The following PTPRD variants were observed in gnomAD, a reference collection of about 807,000 sequenced individuals.
The protein encoded by PTPRD is receptor-type tyrosine-protein phosphatase delta.
PTPRD carries 34 observed loss-of-function variants against 214.5 expected under a neutral mutation model. The ratio of observed to expected loss-of-function variants is 0.16; its 90% CI spans 0.12 to 0.21. The LOEUF is 0.21. Among genes scored for constraint, PTPRD ranks in the 10% least tolerant of loss-of-function variants. The pLI is 1.00. For missense variants in PTPRD, 2,545 were observed against 2,398.7 expected (o/e 1.06, Z -1.27); for synonymous variants, 1,128 against 845.7 (o/e 1.33, Z -5.79).
chr9:9,919,759 G>A (rs150145757), intron 5 of PTPRD, among the ~76,000 whole-genome samples: 2 of 152,118 alleles, frequency 1.3e-5, no homozygotes, highest in African/African-American at 4.8e-5. Context: ...GTATGACCTG[G>A]TGCTAACTAT....
chr9:9,059,188 A>G (rs2099702700), intron 10 of PTPRD, among the ~76,000 whole-genome samples: 1 of 152,220 alleles, frequency 6.6e-6, no homozygotes, highest in Admixed American at 6.5e-5. Context: ...ATCATAGTAG[A>G]GTCAATACAT....
At chr9:9,374,170 T>C (rs1254338351) in intron 9 of PTPRD, among the ~76,000 whole-genome samples, 2 of 152,096 alleles carry the variant, frequency 1.3e-5, no homozygotes, top group Non-Finnish European at 2.9e-5. Context: ...ACAGATTTTA[T>C]GTAAAGTATT....
chr9:9,395,678 G>T (rs910103908), intron 9 of PTPRD, among the ~76,000 whole-genome samples: 1 of 151,946 alleles, frequency 6.6e-6, no homozygotes, highest in Non-Finnish European at 1.5e-5. Context: ...TGCCAACTTT[G>T]GCATCTACCC....
At position 8,390,619 on chromosome 9, in the gene PTPRD, A is replaced by G. The variant is rs2089189492; in HGVS notation, c.4211-1212T>C. ...CTACCCTAATGACAAAAGAGTAAAT[A>G]ATTTTCCCCAGTTCCAACATGTAAT... On this transcript the variant is annotated intron_variant, in intron 36 of 45. Coordinates refer to ENST00000381196, the MANE Select transcript of PTPRD (RefSeq NM_002839.4). 2.0e-5 allele frequency among the ~76,000 whole-genome samples: 3 copies of G among 152,194 alleles called. No individual in the cohort carries two copies. In the South Asian group the frequency reaches 6.2e-4, roughly 31 times the overall value.
intron 3 of PTPRD, among the ~76,000 whole-genome samples, chr9:10,190,676 C>T (rs1198064190): frequency 2.1e-5 from 3 of 143,142 alleles, no homozygotes; most frequent in African/African-American, 7.9e-5. Flanking sequence ...CAAGATCATG[C>T]CATTGCACTC....
At chr9:8,745,784 TTCTC>T (rs60391748) in intron 11 of PTPRD, among the ~76,000 whole-genome samples, 22,861 of 148,334 alleles carry the variant, frequency 0.15, 1,766 homozygotes, top group Admixed American at 0.19. Context: ...TTTATGGAGT[TTCTC>T]TCTCTCTCTC....
intron 5 of PTPRD, among the ~76,000 whole-genome samples, chr9:9,822,534 G>C (rs914051119): frequency 2.0e-5 from 3 of 147,712 alleles, no homozygotes; most frequent in African/African-American, 7.4e-5. Context: ...ATTATATATA[G>C]TTAAAATAAC....
chr9:8,805,426 A>G (rs2096656127), intron 11 of PTPRD, among the ~76,000 whole-genome samples: 1 of 152,134 alleles, frequency 6.6e-6, no homozygotes, highest in Non-Finnish European at 1.5e-5. Context: ...TATTATGCAC[A>G]TCATCTTTAT....
intron 2 of PTPRD, among the ~76,000 whole-genome samples, chr9:10,391,429 G>A (rs1326190535): frequency 6.6e-6 from 1 of 151,706 alleles, no homozygotes; most frequent in African/African-American, 2.4e-5. Context: ...GTTGAGCATG[G>A]TCTAGCCTTA....
At chr9:8,965,463 G>C (rs140095475) in intron 11 of PTPRD, among the ~76,000 whole-genome samples, 3 of 151,936 alleles carry the variant, frequency 2.0e-5, no homozygotes, top group Non-Finnish European at 4.4e-5. Context: ...TTATTGTGTG[G>C]CTAAGTCTTT....
intron 32 of PTPRD, among the ~76,000 whole-genome samples, chr9:8,465,150 G>T (rs2096520154): frequency 1.3e-5 from 2 of 151,936 alleles, no homozygotes; most frequent in South Asian, 4.1e-4. Flanking sequence ...GAAGGAGATT[G>T]TAAGCAATGA....
At chr9:9,818,733 T>A (rs572724419) in intron 5 of PTPRD, among the ~76,000 whole-genome samples, 1 of 151,868 alleles carries the variant, frequency 6.6e-6, no homozygotes, top group South Asian at 2.1e-4. Flanking sequence ...CTGGCTGACA[T>A]GGTGAAATCC....
At chr9:10,516,273 G>A (rs537301152) in intron 2 of PTPRD, among the ~76,000 whole-genome samples, 3 of 151,624 alleles carry the variant, frequency 2.0e-5, no homozygotes, top group South Asian at 4.2e-4. Context: ...ATCCTAACTG[G>A]CATGAGGTGA....
At chr9:9,231,819 T>A (rs892135014) in intron 9 of PTPRD, among the ~76,000 whole-genome samples, 1 of 152,146 alleles carries the variant, frequency 6.6e-6, no homozygotes, top group African/African-American at 2.4e-5. Context: ...GCCATGTTGG[T>A]TTGCTGCACC....
intron 9 of PTPRD, among the ~76,000 whole-genome samples, chr9:9,266,706 C>A (rs1185051381): frequency 1.3e-5 from 2 of 150,326 alleles, no homozygotes; most frequent in Non-Finnish European, 3.0e-5. Flanking sequence ...CCCTGAACAA[C>A]CAATAGGGAA....
intron 9 of PTPRD, among the ~76,000 whole-genome samples, chr9:9,382,080 T>C (rs1163402501): frequency 6.6e-6 from 1 of 152,170 alleles, no homozygotes; most frequent in Non-Finnish European, 1.5e-5. Context: ...GTTTTCAGTA[T>C]ATGAGTTTTT....
At chr9:9,536,155 C>G (rs750517670) in intron 8 of PTPRD, among the ~76,000 whole-genome samples, 6 of 151,998 alleles carry the variant, frequency 3.9e-5, no homozygotes, top group Non-Finnish European at 7.4e-5. Flanking sequence ...CAGTAAGATT[C>G]TATGCATACT....
intron 11 of PTPRD, among the ~76,000 whole-genome samples, chr9:8,823,373 G>GTA (rs1184703366): frequency 6.6e-6 from 1 of 152,150 alleles, no homozygotes; most frequent in African/African-American, 2.4e-5. Flanking sequence ...ACAGAATCAT[G>GTA]TAATACATAG....
At position 10,503,243 on chromosome 9, in the gene PTPRD, G is replaced by A. The variant is rs188532051; in HGVS notation, c.-600+109155C>T. ...CACCATTTTTTTCCCAGAAAAGTTT[G>A]GAAAATTTAATAATTAAGTGAATAA... On this transcript the variant is annotated intron_variant, in intron 2 of 45. Transcript: ENST00000381196. 2.6e-3 allele frequency among the ~76,000 whole-genome samples: 344 copies of A among 133,148 alleles called. 3 individuals carry two copies. Among genetic ancestry groups the A allele is most frequent in the African/African-American group, 8.5e-3 (318 of 37,384 alleles). 87.4% of individuals were successfully genotyped at this position (133,148 alleles called of 152,430 possible). A position where few individuals can be genotyped will look rare whatever the true frequency, so the allele number is the denominator to read the frequency against.
Sources: allele counts gnomAD v4.1 joint callset (sites outside exome capture counted in the v4.1 genomes callset), GRCh38; gene constraint gnomAD v4.1.1; transcripts MANE v1.5; gene names NCBI Gene and HGNC (gene_info 2026-07-23, HGNC 2026-07-21).